The following ERC2 variants were observed in gnomAD, a reference collection of about 807,000 sequenced individuals.
ERC2 encodes ELKS/RAB6-interacting/CAST family member 2.
Under a neutral mutation model 114.8 loss-of-function variants are expected in ERC2, and 42 were observed. The ratio of observed to expected loss-of-function variants is 0.37; its 90% confidence interval spans 0.29 to 0.47. ERC2 has a LOEUF of 0.47. Ranked by LOEUF, ERC2 falls within the 20% of genes least tolerant of loss-of-function variation. ERC2 has a pLI of 0.99. For missense variants in ERC2, 939 were observed against 1,150.7 expected (o/e 0.82, Z 2.66); for synonymous variants, 454 against 425.5 (o/e 1.07, Z -0.82).
intron 3 of ERC2, among the ~76,000 whole-genome samples, chr3:56,267,404 T>C (rs1200166748): frequency 1.3e-5 from 2 of 152,116 alleles, no homozygotes; most frequent in African/African-American, 4.8e-5. Context: ...ATGTGGAATG[T>C]TTTTTAAAAA....
At chr3:55,999,668 C>T (rs57141558) in intron 10 of ERC2, among the ~76,000 whole-genome samples, 22,800 of 151,386 alleles carry the variant, frequency 0.15, 1,908 homozygotes, top group East Asian at 0.38. Context: ...TATAGATATG[C>T]TTAAGACTAT....
intron 17 of ERC2, among the ~76,000 whole-genome samples, chr3:55,671,978 G>T (rs993076335): frequency 1.3e-5 from 2 of 152,186 alleles, no homozygotes; most frequent in African/African-American, 2.4e-5. Flanking sequence ...CTGCAGTGGA[G>T]AAACCTATTA....
chr3:56,244,167 T>A (rs976181517), intron 3 of ERC2, among the ~76,000 whole-genome samples: 3 of 152,192 alleles, frequency 2.0e-5, no homozygotes, highest in Admixed American at 1.3e-4. Flanking sequence ...TAAAACTTCC[T>A]GTCACCGTGA....
intron 1 of ERC2, among the ~76,000 whole-genome samples, chr3:56,454,842 G>C (rs1360096491): frequency 2.6e-5 from 3 of 114,240 alleles, no homozygotes; most frequent in African/African-American, 1.1e-4. Flanking sequence ...TTGGGCAACA[G>C]AGTGAGACTC....
chr3:55,868,575 A>C (rs945581565), intron 14 of ERC2, among the ~76,000 whole-genome samples: 4 of 152,206 alleles, frequency 2.6e-5, no homozygotes, highest in Non-Finnish European at 5.9e-5. Flanking sequence ...GTGGACTTCC[A>C]CATCAGAGGC....
intron 17 of ERC2, among the ~76,000 whole-genome samples, chr3:55,581,171 G>C (rs1467601666): frequency 1.3e-5 from 2 of 152,178 alleles, no homozygotes; most frequent in Admixed American, 1.3e-4. Context: ...GAGCATCTCA[G>C]AGGGGAAACA....
chr3:56,196,839 C>T (rs4974179), intron 3 of ERC2, among the ~76,000 whole-genome samples: 12,212 of 152,082 alleles, frequency 0.08, 657 homozygotes, highest in Admixed American at 0.15. Flanking sequence ...GACTATACCC[C>T]GCTTTGTCCT....
At chr3:56,150,305 T>C (rs1297083011) in intron 4 of ERC2, among the ~76,000 whole-genome samples, 2 of 152,190 alleles carry the variant, frequency 1.3e-5, no homozygotes, top group Non-Finnish European at 2.9e-5. Flanking sequence ...TTGTGGCTAT[T>C]GTCTACTTTA....
chr3:55,973,281 A>C (rs2069315539), intron 12 of ERC2, among the ~76,000 whole-genome samples: 1 of 152,224 alleles, frequency 6.6e-6, no homozygotes, highest in Non-Finnish European at 1.5e-5. Flanking sequence ...GATTAGTTAC[A>C]GTGAGGGATG....
intron 2 of ERC2, among the ~76,000 whole-genome samples, chr3:56,350,626 A>T (rs1336309646): frequency 6.6e-6 from 1 of 152,212 alleles, no homozygotes; most frequent in African/African-American, 2.4e-5. Flanking sequence ...TGCATTAAAG[A>T]AATGAAGAAG....
intron 13 of ERC2, among the ~76,000 whole-genome samples, chr3:55,902,678 C>A (rs996086481): frequency 6.6e-6 from 1 of 152,212 alleles, no homozygotes; most frequent in African/African-American, 2.4e-5. Flanking sequence ...CAGTCATCAG[C>A]GTGCTGCTCA....
At chr3:56,416,664 A>AG (rs1366105699) in intron 2 of ERC2, among the ~76,000 whole-genome samples, 67 of 150,870 alleles carry the variant, frequency 4.4e-4, no homozygotes, top group Middle Eastern at 3.4e-3. Context: ...ATGATTAAAA[A>AG]AAAAAAAAAA....
intron 6 of ERC2, among the ~76,000 whole-genome samples, chr3:56,127,352 C>T (rs185847972): frequency 4.6e-5 from 7 of 152,182 alleles, no homozygotes; most frequent in East Asian, 1.9e-4. Context: ...CAACAGATCC[C>T]GAAAAGCCAA....
At chr3:56,176,384 C>T (rs1047346214) in intron 3 of ERC2, among the ~76,000 whole-genome samples, 5 of 152,044 alleles carry the variant, frequency 3.3e-5, no homozygotes, top group African/African-American at 1.2e-4. Context: ...TTCTGCCAAA[C>T]ACGAAAACAT....
intron 2 of ERC2, among the ~76,000 whole-genome samples, chr3:56,404,260 G>C (rs1424188534): frequency 6.6e-6 from 1 of 152,112 alleles, no homozygotes; most frequent in Non-Finnish European, 1.5e-5. Flanking sequence ...TAATTCTAAT[G>C]ATATTAAATT....
intron 12 of ERC2, among the ~76,000 whole-genome samples, chr3:55,961,045 G>A (rs779066336): frequency 3.3e-5 from 5 of 152,304 alleles, no homozygotes; most frequent in Non-Finnish European, 7.3e-5. Flanking sequence ...GAGCTACTCC[G>A]CTGGGGCGGA....
chr3:55,818,330 T>G (rs9879933), intron 14 of ERC2, among the ~76,000 whole-genome samples: 53,755 of 152,006 alleles, frequency 0.35, 11,500 homozygotes, highest in African/African-American at 0.6. Context: ...GAGTCTGAAA[T>G]AGTCAATAAA....
chr3:56,132,745 C>T (rs939083852), intron 6 of ERC2, among the ~76,000 whole-genome samples: 1 of 152,184 alleles, frequency 6.6e-6, no homozygotes, highest in Non-Finnish European at 1.5e-5. Context: ...CAAAGTCATA[C>T]ACAGCCATCC....
intron 12 of ERC2, among the ~76,000 whole-genome samples, chr3:55,970,072 T>G (rs2069047663): frequency 6.6e-6 from 1 of 152,184 alleles, no homozygotes; most frequent in South Asian, 2.1e-4. Context: ...GCCGCATGTG[T>G]GTTGCAGGAG....
Sources: gnomAD v4.1 joint callset for allele counts (sites outside exome capture counted in the v4.1 genomes callset) on GRCh38, gnomAD v4.1.1 for gene constraint, MANE v1.5 for transcripts, NCBI Gene and HGNC (gene_info 2026-07-23, HGNC 2026-07-21) for gene names.